Variants in KCTD16 observed in about 807,000 individuals in gnomAD.
KCTD16 encodes potassium channel tetramerization domain containing 16.
Under a neutral mutation model 33.2 loss-of-function variants are expected in KCTD16, and 13 were observed. That is an observed-to-expected ratio of 0.39 (90% CI 0.25 to 0.62). The LOEUF is 0.62. Ranked by LOEUF, KCTD16 falls within the 20% of genes least tolerant of loss-of-function variation. KCTD16 has a pLI of 0.50. For synonymous variants in KCTD16, 197 were observed against 195.3 expected, an observed-to-expected ratio of 1.01 and a Z score of -0.07; for missense variants, 441 against 525.1, an observed-to-expected ratio of 0.84 and a Z score of 1.57.
chr5:144,465,874 T>C (rs898708083), intron 3 of KCTD16, among the ~76,000 whole-genome samples: 1 of 151,462 alleles, frequency 6.6e-6, no homozygotes, highest in African/African-American at 2.4e-5. Context: ...CGGTTGCTCT[T>C]GTCACCCAGG....
At chr5:144,445,738 T>G (rs1196745342) in intron 3 of KCTD16, among the ~76,000 whole-genome samples, 1 of 148,812 alleles carries the variant, frequency 6.7e-6, no homozygotes, top group African/African-American at 2.5e-5. Context: ...GCCTAGACCT[T>G]TTTTTTTTGT....
intron 2 of KCTD16, among the ~76,000 whole-genome samples, chr5:144,203,113 T>G (rs972206050): frequency 3.3e-5 from 5 of 152,208 alleles, no homozygotes; most frequent in Non-Finnish European, 7.3e-5. Context: ...GTTAAGAATC[T>G]ACTTGTCTCA....
rs753416664 is a variant in KCTD16, at chr5:144,474,728, T to C, written c.*614T>C. 6.6e-6 allele frequency: 1 copy of C among 152,646 alleles called. No individual in the cohort carries two copies. The highest frequency in any genetic ancestry group is 1.5e-5 in the Non-Finnish European group (1 of 68,120). The allele number at this position is 152,646 out of a possible 1,614,324, so 9.5% of individuals were successfully genotyped here. On this transcript the variant is annotated 3_prime_UTR_variant, in exon 4 of 4. Transcript: ENST00000512467. ...CTAGACCTCCCAAGGGCTGTGCTCC[T>C]GCTCCCAGCAGCCCTCTCTTAGAAT... is the stretch of plus-strand genomic sequence containing the variant.
At chr5:144,442,154 T>C (rs74880159) in intron 3 of KCTD16, among the ~76,000 whole-genome samples, 3,444 of 152,242 alleles carry the variant, frequency 0.023, 129 homozygotes, top group African/African-American at 0.078. Flanking sequence ...TTGGTTTTTG[T>C]TACTGCCCTT....
chr5:144,424,480 C>T (rs540257503), intron 3 of KCTD16, among the ~76,000 whole-genome samples: 2 of 152,250 alleles, frequency 1.3e-5, no homozygotes, highest in African/African-American at 4.8e-5. Flanking sequence ...ATCTAAAGGC[C>T]TTGATCCTTA....
rs1432863219 is a variant in KCTD16, at chr5:144,189,500, A to G, written c.-327+15028A>G. On this transcript the variant is annotated intron_variant, in intron 2 of 3. Coordinates refer to ENST00000512467, the MANE Select transcript of KCTD16 (RefSeq NM_020768.4). The stretch of plus-strand genomic sequence containing the variant: ...GACAGAGTGAGACTCCATCTCAAAA[A>G]AAAAAAAAAAGAAAAAAGAAAAAGA... 5.9e-3 allele frequency among the ~76,000 whole-genome samples: 900 copies of G among 151,860 alleles called. 5 individuals carry two copies. The highest frequency in any genetic ancestry group is 0.021 in the African/African-American group (864 of 41,446).
At chr5:144,312,422 G>A (rs1224562035) in intron 3 of KCTD16, among the ~76,000 whole-genome samples, 2 of 152,162 alleles carry the variant, frequency 1.3e-5, no homozygotes, top group Non-Finnish European at 2.9e-5. Context: ...CTAATCTGAT[G>A]GCTGTCCCTA....
chr5:144,395,105 C>T (rs1752535382), intron 3 of KCTD16, among the ~76,000 whole-genome samples: 1 of 152,100 alleles, frequency 6.6e-6, no homozygotes, highest in African/African-American at 2.4e-5. Flanking sequence ...GAGTGGGGCC[C>T]AGCAATTTAT....
chr5:144,194,693 C>T (rs889939051), intron 2 of KCTD16, among the ~76,000 whole-genome samples: 2 of 152,168 alleles, frequency 1.3e-5, no homozygotes, highest in African/African-American at 4.8e-5. Context: ...ACAATTATTA[C>T]CCCTGTTGTA....
At chr5:144,462,188 T>C (rs1356551297) in intron 3 of KCTD16, among the ~76,000 whole-genome samples, 1 of 152,144 alleles carries the variant, frequency 6.6e-6, no homozygotes. Flanking sequence ...TAATCATTAT[T>C]ATGGCACTAG....
At chr5:144,420,059 A>G (rs927473225) in intron 3 of KCTD16, among the ~76,000 whole-genome samples, 2 of 152,194 alleles carry the variant, frequency 1.3e-5, no homozygotes, top group Admixed American at 6.6e-5. Context: ...TGTATCAGGT[A>G]CTAAGTACTG....
Position 144,365,242 on chromosome 5 carries a change from T to C in KCTD16, c.833-108418T>C, listed in dbSNP as rs565034360. On this transcript the variant is annotated intron_variant, in intron 3 of 3. Coordinates refer to ENST00000512467, the MANE Select transcript of KCTD16 (RefSeq NM_020768.4). ...CCCTTGGAGATATTCTGATTTGCCA[T>C]AGCTAATATTTTATTTTGTACTGGA... Among the ~76,000 whole-genome samples, 14 of 152,304 alleles carry C rather than the reference T, an allele frequency of 9.2e-5. No individual in the cohort carries two copies. In the South Asian group the frequency reaches 2.7e-3, roughly 29 times the overall value.
chr5:144,407,060 G>A (rs990833014), intron 3 of KCTD16, among the ~76,000 whole-genome samples: 1 of 152,126 alleles, frequency 6.6e-6, no homozygotes, highest in African/African-American at 2.4e-5. Flanking sequence ...TAATGAAGCT[G>A]GTGGAGGGCT....
At chr5:144,171,902 G>A (rs1752392933) in intron 1 of KCTD16, among the ~76,000 whole-genome samples, 1 of 152,170 alleles carries the variant, frequency 6.6e-6, no homozygotes, top group Non-Finnish European at 1.5e-5. Flanking sequence ...TCCCAAGATG[G>A]TGGAATCCCG....
At chr5:144,233,948 C>A (rs1020413520) in intron 3 of KCTD16, among the ~76,000 whole-genome samples, 4 of 152,056 alleles carry the variant, frequency 2.6e-5, no homozygotes, top group African/African-American at 9.7e-5. Context: ...ATCTAGGAAA[C>A]CATACTATTT....
chr5:144,186,844 G>A (rs535257828), intron 2 of KCTD16, among the ~76,000 whole-genome samples: 87 of 152,290 alleles, frequency 5.7e-4, no homozygotes, highest in Non-Finnish European at 1.1e-3. Context: ...AAAAGAAACT[G>A]GAATAGGGAT....
Position 144,207,075 on chromosome 5 carries a change from C to T in KCTD16, c.361C>T (p.Leu121Phe). 1 of 1,612,612 alleles carries T rather than the reference C, an allele frequency of 6.2e-7. No individual in the cohort carries two copies. The highest frequency in any genetic ancestry group is 8.5e-7 in the Non-Finnish European group (1 of 1,179,406). The change falls in exon 3 of 4, where the codon CTC (leucine) becomes TTC (phenylalanine). Residue 121 changes from leucine to phenylalanine, a missense_variant. Leu to Phe is a conservative substitution (Grantham distance 22). Around this residue, in one of 3 missense-constraint regions of KCTD16, gnomAD observed 355 missense variants for 413.0 expected, o/e 0.86. Coordinates refer to ENST00000512467, the MANE Select transcript of KCTD16 (RefSeq NM_020768.4). The part of the protein sequence containing the change: ...EYFQLPDLVK[L>F]LTPDEIKQSP... ...CTTCCAGCTCCCAGACTTGGTCAAA[C>T]TCCTGACCCCCGATGAAATCAAGCA... is the stretch of plus-strand genomic sequence containing the variant.
intron 3 of KCTD16, among the ~76,000 whole-genome samples, chr5:144,385,667 G>T (rs1204527932): frequency 1.3e-5 from 2 of 152,200 alleles, no homozygotes; most frequent in African/African-American, 4.8e-5. Context: ...GAAAGACTGA[G>T]TCAACTCTTG....
At chr5:144,175,309 ACTTGTTC>A (rs1400353875) in intron 2 of KCTD16, among the ~76,000 whole-genome samples, 2 of 152,152 alleles carry the variant, frequency 1.3e-5, no homozygotes, top group Non-Finnish European at 2.9e-5. Flanking sequence ...GACATTTTGA[ACTTGTTC>A]CTGAGTCCTT....
Sources: gnomAD v4.1 joint callset for allele counts (sites outside exome capture counted in the v4.1 genomes callset) on GRCh38, gnomAD v4.1.1 for gene constraint, gnomAD v4.1.1 regional missense constraint, MANE v1.5 for transcripts, NCBI Gene and HGNC (gene_info 2026-07-23, HGNC 2026-07-21) for gene names.